The following CTNNBIP1 variants were observed in gnomAD, a reference collection of about 807,000 sequenced individuals.
CTNNBIP1 encodes beta-catenin-interacting protein 1.
A neutral mutation model predicts 11.8 loss-of-function variants in CTNNBIP1; 7 were observed. That is an observed-to-expected ratio of 0.60 (90% CI 0.34 to 1.12). The LOEUF (loss-of-function observed/expected upper bound fraction) is 1.12, where lower values mean the gene tolerates loss of function less well. Ranked by LOEUF, CTNNBIP1 falls within the 50% of genes most tolerant of loss-of-function variation. The probability of loss-of-function intolerance (pLI) is 0.03; values close to 1 mark genes in which losing one functional copy is unlikely to be tolerated. For missense variants in CTNNBIP1, 101 were observed against 113.4 expected, an observed-to-expected ratio of 0.89 and a Z score of 0.50; for synonymous variants, 58 against 43.9, an observed-to-expected ratio of 1.32 and a Z score of -1.26.
chr1:9,848,305 C>A lies in CTNNBIP1; in HGVS notation c.*2413G>T, dbSNP rs563250188. 6.6e-6 allele frequency: 1 copy of A among 152,352 alleles called. No homozygotes were observed. The highest frequency in any genetic ancestry group is 2.1e-4 in the South Asian group (1 of 4,830). 9.4% of individuals were successfully genotyped at this position (152,352 alleles called of 1,614,324 possible). A position where few individuals can be genotyped will look rare whatever the true frequency, so the allele number is the denominator to read the frequency against. ...TATGAAAATTCTTTATTGTTAATTT[C>A]TTTCTCCAACAGATATATTTTTAGT... On this transcript the variant is annotated 3_prime_UTR_variant, in exon 6 of 6. Coordinates refer to ENST00000377263, the MANE Select transcript of CTNNBIP1 (RefSeq NM_020248.3). The surrounding 1 kb of genome is among the most constrained non-coding windows in gnomAD (Gnocchi z 4.3).
chr1:9,893,385 C>G (rs1639346519), intron 1 of CTNNBIP1: 1 of 152,222 alleles, frequency 6.6e-6, no homozygotes, highest in South Asian at 2.1e-4. Context: ...TTTCCCAAAG[C>G]CACGAAACTG....
intron 1 of CTNNBIP1, among the ~76,000 whole-genome samples, chr1:9,899,578 G>C (rs1639480576): frequency 6.6e-6 from 1 of 150,482 alleles, no homozygotes; most frequent in Admixed American, 6.7e-5. Flanking sequence ...GGCCAACATG[G>C]TGAAACCCCA....
intron 1 of CTNNBIP1, among the ~76,000 whole-genome samples, chr1:9,908,948 G>A (rs1344455673): frequency 1.3e-5 from 2 of 152,164 alleles, no homozygotes; most frequent in South Asian, 2.1e-4. Flanking sequence ...CCAGCAAACC[G>A]TGAATGACAC....
intron 1 of CTNNBIP1, among the ~76,000 whole-genome samples, chr1:9,891,089 A>C (rs757152174): frequency 2.6e-5 from 4 of 151,748 alleles, no homozygotes; most frequent in Non-Finnish European, 5.9e-5. Context: ...AATTTTAATT[A>C]CATTAGGAAA....
In CTNNBIP1 at chr1:9,871,413, C is replaced by A; in HGVS notation, c.97-136G>T. Reference sequence around the variant, plus strand: ...TCGGGCTTCTGTTTCTGAGATTTGACCCCTTTGCTTTCAGGGCCAGCCCAC... The same window carrying A: ...TCGGGCTTCTGTTTCTGAGATTTGAACCCTTTGCTTTCAGGGCCAGCCCAC... On this transcript the variant is annotated intron_variant, in intron 4 of 5. Coordinates refer to ENST00000377263, the MANE Select transcript of CTNNBIP1 (RefSeq NM_020248.3). The surrounding 1 kb of genome is among the most constrained non-coding windows in gnomAD (Gnocchi z 5.2). 1.4e-6 allele frequency: 1 copy of A among 709,802 alleles called. No individual in the cohort carries two copies. The highest frequency in any genetic ancestry group is 2.4e-6 in the Non-Finnish European group (1 of 410,114). 44.0% of individuals were successfully genotyped at this position (709,802 alleles called of 1,614,324 possible).
chr1:9,854,681 A>AT (rs1638465694), intron 5 of CTNNBIP1, among the ~76,000 whole-genome samples: 1 of 151,670 alleles, frequency 6.6e-6, no homozygotes, highest in African/African-American at 2.4e-5. Context: ...ACTAAAAAAA[A>AT]ATTTTTTTTT....
chr1:9,899,337 T>C (rs1291404240), intron 1 of CTNNBIP1, among the ~76,000 whole-genome samples: 1 of 149,832 alleles, frequency 6.7e-6, no homozygotes, highest in Non-Finnish European at 1.5e-5. Flanking sequence ...GCACCTGTAA[T>C]GCCAGCTACC....
rs1330002148 is a variant in CTNNBIP1, at chr1:9,872,051, C to A, written c.14G>T (p.Gly5Val). The A allele has an allele frequency of 6.2e-7, 1 of 1,614,130 alleles. No individual in the cohort carries two copies. The highest frequency in any genetic ancestry group is 1.7e-5 in the Admixed American group (1 of 60,030). MNRE[G>V]APGKSPEEMY... ...CTCCTCCGGACTCTTCCCGGGAGCT[C>A]CCTCGCGGTTCATCCCCCTGCCTGG... The change falls in exon 4 of 6, where the codon GGA becomes GTA. Residue 5 changes from glycine (G) to valine (V), a missense_variant. Physicochemically the swap from Gly to Val is moderately radical, Grantham distance 109. Transcript: ENST00000377263. The surrounding 1 kb of genome is among the most constrained non-coding windows in gnomAD (Gnocchi z 4.0).
intron 2 of CTNNBIP1, among the ~76,000 whole-genome samples, chr1:9,880,832 C>T (rs570775695): frequency 6.6e-6 from 1 of 152,226 alleles, no homozygotes; most frequent in South Asian, 2.1e-4. Context: ...TGGTTGTGCA[C>T]CGTGAGGCCA....
intron 1 of CTNNBIP1, among the ~76,000 whole-genome samples, chr1:9,885,770 C>A (rs1215644499): frequency 6.6e-6 from 1 of 151,924 alleles, no homozygotes; most frequent in African/African-American, 2.4e-5. Flanking sequence ...ATGGAGAAAC[C>A]CTGTCTCTAC....
In CTNNBIP1 at chr1:9,899,077, T is replaced by C. The variant is rs1014561895; in HGVS notation, c.-144+11018A>G. ...GTGATTCATGAGAATTTTTCCTGAA[T>C]ATTTTTGTGGTTGGTTTAATCCACA... On this transcript the variant is annotated intron_variant, in intron 1 of 5. Coordinates refer to ENST00000377263, the MANE Select transcript of CTNNBIP1 (RefSeq NM_020248.3). 2.0e-5 allele frequency among the ~76,000 whole-genome samples: 3 copies of C among 152,224 alleles called. No homozygotes were observed. The East Asian group carries it at 5.8e-4, about 29-fold the overall frequency.
Position 9,872,442 on chromosome 1 carries a change from G to A in CTNNBIP1, c.-24-354C>T, listed in dbSNP as rs1013474666. The stretch of plus-strand genomic sequence containing the variant: ...TCCTGCTACAAGCCACAGGACACGT[G>A]GTGCATGAAGCCCCAAATGTCCCAG... On this transcript the variant is annotated intron_variant, in intron 3 of 5. Transcript: ENST00000377263. The surrounding 1 kb of genome is among the most constrained non-coding windows in gnomAD (Gnocchi z 4.0). Among the ~76,000 whole-genome samples the A allele has an allele frequency of 3.3e-5, 5 of 152,240 alleles. No homozygotes were observed. Among genetic ancestry groups the A allele is most frequent in the African/African-American group, 1.2e-4 (5 of 41,452 alleles).
chr1:9,874,093 C>T (rs1378837157), intron 3 of CTNNBIP1, among the ~76,000 whole-genome samples: 6 of 152,106 alleles, frequency 3.9e-5, no homozygotes, highest in Non-Finnish European at 7.4e-5. Context: ...GTCAGCCCTG[C>T]CTCCCTCTCC....
At chr1:9,873,424 G>A (rs1487424560) in intron 3 of CTNNBIP1, among the ~76,000 whole-genome samples, 1 of 152,170 alleles carries the variant, frequency 6.6e-6, no homozygotes, top group Admixed American at 6.5e-5. Flanking sequence ...GGGCCAGGCT[G>A]CGTCCCAGCA....
intron 1 of CTNNBIP1, among the ~76,000 whole-genome samples, chr1:9,904,468 C>T (rs1046472982): frequency 6.6e-6 from 1 of 152,150 alleles, no homozygotes; most frequent in Non-Finnish European, 1.5e-5. Flanking sequence ...TTACCCAACT[C>T]CGCTCAGCCC....
rs1223996816 is a variant in CTNNBIP1, at chr1:9,883,815, A to G, written c.-143-77T>C. The G allele has an allele frequency of 6.5e-6, 1 of 153,110 alleles. No individual in the cohort carries two copies. The highest frequency in any genetic ancestry group is 1.5e-5 in the Non-Finnish European group (1 of 68,300). 9.5% of individuals were successfully genotyped at this position (153,110 alleles called of 1,614,324 possible). A position where few individuals can be genotyped will look rare whatever the true frequency, so the allele number is the denominator to read the frequency against. ...CTGGCCCCCACTTGCTCTGCCTGAG[A>G]GCTGTGCTCAGCCTCAGGTGAGTCT... is the stretch of plus-strand genomic sequence containing the variant. On this transcript the variant is annotated intron_variant, in intron 1 of 5. Coordinates refer to ENST00000377263, the MANE Select transcript of CTNNBIP1 (RefSeq NM_020248.3). This position sits in a 1 kb window ranked among gnomAD's most constrained non-coding sequence, Gnocchi z 5.6.
chr1:9,867,415 G>A lies in CTNNBIP1; in HGVS notation c.187+3772C>T, dbSNP rs1051516529. On this transcript the variant is annotated intron_variant, in intron 5 of 5. Transcript: ENST00000377263. The surrounding 1 kb of genome is among the most constrained non-coding windows in gnomAD (Gnocchi z 4.6). The stretch of plus-strand genomic sequence containing the variant: ...GGGTAGGGGGTAAAGGGGTGCCCAC[G>A]GCCCCCTCCCTGGGCCTCAAGTAAG... 3.9e-5 allele frequency among the ~76,000 whole-genome samples: 6 copies of A among 152,164 alleles called. No individual in the cohort carries two copies. The highest frequency in any genetic ancestry group is 8.8e-5 in the Non-Finnish European group (6 of 68,006).
chr1:9,908,947 C>T (rs535453115), intron 1 of CTNNBIP1, among the ~76,000 whole-genome samples: 1 of 152,280 alleles, frequency 6.6e-6, no homozygotes, highest in South Asian at 2.1e-4. Context: ...CCCAGCAAAC[C>T]GTGAATGACA....
At chr1:9,896,311 T>G (rs1639406542) in intron 1 of CTNNBIP1, among the ~76,000 whole-genome samples, 1 of 152,188 alleles carries the variant, frequency 6.6e-6, no homozygotes, top group African/African-American at 2.4e-5. Context: ...ATACCTTGGA[T>G]ATGGATCAAA....
Sources: allele counts gnomAD v4.1 joint callset (sites outside exome capture counted in the v4.1 genomes callset), GRCh38; gene constraint gnomAD v4.1.1; non-coding constraint Gnocchi (gnomAD v3.1); transcripts MANE v1.5; gene names NCBI Gene and HGNC (gene_info 2026-07-23, HGNC 2026-07-21).